NBAS: variants seen among roughly 807,000 people sequenced by gnomAD.
The protein encoded by NBAS is NAG/BC035112 fusion.
A neutral mutation model predicts 302.5 loss-of-function variants in NBAS; 219 were observed. The observed-to-expected ratio is 0.72, with a 90% CI of 0.65 to 0.81. The LOEUF (loss-of-function observed/expected upper bound fraction) is 0.81, where lower values mean the gene tolerates loss of function less well. Ranked by LOEUF, NBAS falls within the 30% of genes least tolerant of loss-of-function variation. The probability of loss-of-function intolerance (pLI) is 0.00; values close to 1 mark genes in which losing one functional copy is unlikely to be tolerated. For missense variants in NBAS, 2,932 were observed against 2,841.6 expected (o/e 1.03, Z -0.72); for synonymous variants, 1,118 against 1,021.6 (o/e 1.09, Z -1.80).
chr2:14,870,676 AAC>A, the NBAS span, among the ~76,000 whole-genome samples: 1 of 152,152 alleles, frequency 6.6e-6, no homozygotes, highest in African/African-American at 2.4e-5. Context: ...AAAAATTTTA[AAC>A]ACACAAAAAA....
In NBAS at chr2:15,473,306, A is replaced by T. The variant is rs999327204; in HGVS notation, c.1641T>A (p.His547Gln). Residue 547 changes from histidine to glutamine, a missense_variant, in exon 16 of 52, where the codon CAT (histidine) becomes CAA (glutamine). His to Gln is a conservative substitution (Grantham distance 24). Coordinates refer to ENST00000281513, the MANE Select transcript of NBAS (RefSeq NM_015909.4). ...EEYEEALSLA[H>Q]TYGLDTDLVY... ...CAAGGTCAGTATCCAGGCCGTAGGT[A>T]TGAGCCAAGGACAAGGCTTCCTCAT... is the stretch of plus-strand genomic sequence containing the variant. The T allele has an allele frequency of 3.7e-6, 6 of 1,614,114 alleles. No homozygotes were observed. The highest frequency in any genetic ancestry group is 4.2e-6 in the Non-Finnish European group (5 of 1,179,950).
At position 15,363,055 on chromosome 2, in the gene NBAS, T is replaced by A. The variant is rs115263669; in HGVS notation, c.3817+3525A>T. Among the ~76,000 whole-genome samples, 642 of 152,218 alleles carry A rather than the reference T, an allele frequency of 4.2e-3. 6 individuals are homozygous for A. The highest frequency in any genetic ancestry group is 0.015 in the African/African-American group (612 of 41,534). On this transcript the variant is annotated intron_variant, in intron 32 of 51. Transcript: ENST00000281513. ...ATGGGCAACATAGTGAGACCCCGTCTCTGTAAACAAAAACCCAAAAAACAG... is the reference window on the plus strand; with the variant it reads ...ATGGGCAACATAGTGAGACCCCGTCACTGTAAACAAAAACCCAAAAAACAG...
intron 16 of NBAS, among the ~76,000 whole-genome samples, chr2:15,472,366 G>T (rs553535561): frequency 6.6e-6 from 1 of 152,202 alleles, no homozygotes; most frequent in Non-Finnish European, 1.5e-5. Context: ...CTCATGGGCA[G>T]ATTGTTTTCT....
chr2:15,414,108 C>T (rs1276678475), intron 25 of NBAS, among the ~76,000 whole-genome samples: 1 of 152,134 alleles, frequency 6.6e-6, no homozygotes, highest in South Asian at 2.1e-4. Context: ...CCTCACCACC[C>T]CAAACTTAAA....
the NBAS span, among the ~76,000 whole-genome samples, chr2:14,838,052 G>GGTTT: frequency 2.0e-5 from 3 of 151,844 alleles, no homozygotes; most frequent in African/African-American, 4.8e-5. Context: ...AACTGGAGCT[G>GGTTT]GTTTGTTTGT....
chr2:15,275,458 C>T (rs1397538207), intron 44 of NBAS, 26 bp downstream of exon 44: 9 of 1,606,110 alleles, frequency 5.6e-6, no homozygotes, highest in Non-Finnish European at 7.7e-6. Context: ...TGTGCTCAAA[C>T]CACTTTAAAA....
At chr2:14,783,187 A>G in the NBAS span, among the ~76,000 whole-genome samples, 14 of 152,318 alleles carry the variant, frequency 9.2e-5, no homozygotes, top group East Asian at 2.5e-3. Flanking sequence ...ATGAAATGGC[A>G]AATTGACTAT....
chr2:15,465,056 T>C (rs1478114096), intron 19 of NBAS, among the ~76,000 whole-genome samples: 2 of 152,236 alleles, frequency 1.3e-5, no homozygotes, highest in Admixed American at 6.5e-5. Context: ...AAGATGATAG[T>C]ACCCATCTCA....
At chr2:15,085,106 CG>C in the NBAS span, among the ~76,000 whole-genome samples, 1 of 152,176 alleles carries the variant, frequency 6.6e-6, no homozygotes, top group African/African-American at 2.4e-5. Flanking sequence ...AGCAATACAG[CG>C]GAGGAGCAAC....
At chr2:15,526,771 C>T (rs1178154947) in intron 9 of NBAS, among the ~76,000 whole-genome samples, 1 of 152,038 alleles carries the variant, frequency 6.6e-6, no homozygotes, top group African/African-American at 2.4e-5. Flanking sequence ...GATAATATAT[C>T]AAACTTTCCA....
At chr2:15,555,515 C>A (rs556307146) in intron 3 of NBAS, among the ~76,000 whole-genome samples, 1 of 152,038 alleles carries the variant, frequency 6.6e-6, no homozygotes, top group East Asian at 1.9e-4. Flanking sequence ...GTCAATAATT[C>A]TCAGTATGTT....
chr2:15,024,302 T>C, the NBAS span, among the ~76,000 whole-genome samples: 1 of 145,608 alleles, frequency 6.9e-6, no homozygotes, highest in East Asian at 2.1e-4. Flanking sequence ...AAAAAAAACA[T>C]GATCTTGTTC....
At chr2:15,452,456 C>T (rs183222310) in intron 21 of NBAS, among the ~76,000 whole-genome samples, 2,659 of 151,690 alleles carry the variant, frequency 0.018, 70 homozygotes, top group African/African-American at 0.061. Context: ...GGCGTGGTGG[C>T]GGGTGCCTGT....
chr2:14,983,631 G>A, the NBAS span, among the ~76,000 whole-genome samples: 5 of 152,062 alleles, frequency 3.3e-5, no homozygotes, highest in East Asian at 9.6e-4. Context: ...AAAGCAATAG[G>A]ATTACTTGGC....
the NBAS span, among the ~76,000 whole-genome samples, chr2:15,010,218 A>G: frequency 7.2e-5 from 11 of 152,300 alleles, no homozygotes; most frequent in East Asian, 2.1e-3. Flanking sequence ...TAATTAGCCC[A>G]GCAAGGAATT....
intron 35 of NBAS, among the ~76,000 whole-genome samples, chr2:15,332,637 G>T (rs1672405180): frequency 6.6e-6 from 1 of 151,142 alleles, no homozygotes; most frequent in Non-Finnish European, 1.5e-5. Flanking sequence ...ATTTAATTAT[G>T]AAAAAAACAA....
intron 32 of NBAS, among the ~76,000 whole-genome samples, chr2:15,365,163 A>G (rs1055309334): frequency 4.6e-5 from 7 of 152,350 alleles, no homozygotes; most frequent in Middle Eastern, 3.4e-3. Context: ...TTGTATCCAC[A>G]GTACGTAGCA....
At chr2:15,391,376 A>T (rs952095935) in intron 28 of NBAS, among the ~76,000 whole-genome samples, 5 of 150,706 alleles carry the variant, frequency 3.3e-5, no homozygotes, top group Non-Finnish European at 7.4e-5. Flanking sequence ...ACTCTTAGAG[A>T]TTAAAAAAAA....
intron 21 of NBAS, among the ~76,000 whole-genome samples, chr2:15,447,808 G>A (rs1553315661): frequency 6.6e-6 from 1 of 152,154 alleles, no homozygotes; most frequent in South Asian, 2.1e-4. Flanking sequence ...CATTTATGCT[G>A]CTAGAACAAA....
Sources: gnomAD v4.1 joint callset for allele counts (sites outside exome capture counted in the v4.1 genomes callset) on GRCh38, gnomAD v4.1.1 for gene constraint, MANE v1.5 for transcripts, NCBI Gene and HGNC (gene_info 2026-07-23, HGNC 2026-07-21) for gene names.